Variants in MARCHF1 observed in about 807,000 individuals in gnomAD.
The protein encoded by MARCHF1 is E3 ubiquitin-protein ligase MARCHF1.
MARCHF1 carries 40 observed loss-of-function variants against 54.2 expected under a neutral mutation model. The observed-to-expected ratio is 0.74, with a 90% CI of 0.57 to 0.96. The LOEUF (loss-of-function observed/expected upper bound fraction) is 0.96, where lower values mean the gene tolerates loss of function less well. Ranked by LOEUF, MARCHF1 falls within the 40% of genes least tolerant of loss-of-function variation. The pLI is 0.00. For synonymous variants in MARCHF1, 236 were observed against 236.3 expected (o/e 1.00, Z 0.01); for missense variants, 586 against 656.5 (o/e 0.89, Z 1.17).
At chr4:163,723,590 G>C (rs1280138952) in intron 4 of MARCHF1, among the ~76,000 whole-genome samples, 1 of 152,180 alleles carries the variant, frequency 6.6e-6, no homozygotes, top group Non-Finnish European at 1.5e-5. Flanking sequence ...GGTTGGGGAA[G>C]TTCTCCCAGA....
At chr4:164,292,959 C>A (rs1047939586) in intron 1 of MARCHF1, among the ~76,000 whole-genome samples, 4 of 152,104 alleles carry the variant, frequency 2.6e-5, no homozygotes. Flanking sequence ...CTACTTCCTT[C>A]TTCTAACCAA....
At chr4:164,356,544 C>T (rs955830578) in intron 1 of MARCHF1, among the ~76,000 whole-genome samples, 4 of 130,964 alleles carry the variant, frequency 3.1e-5, no homozygotes, top group African/African-American at 1.1e-4. Context: ...CATATTCTCA[C>T]TCATAGGTGG....
chr4:163,888,316 C>T (rs1351696748), intron 3 of MARCHF1, among the ~76,000 whole-genome samples: 2 of 152,032 alleles, frequency 1.3e-5, no homozygotes, highest in Non-Finnish European at 2.9e-5. Context: ...AACACAGGCA[C>T]AGGGTAGAGA....
chr4:164,375,709 C>T (rs1731171440), intron 1 of MARCHF1, among the ~76,000 whole-genome samples: 1 of 152,136 alleles, frequency 6.6e-6, no homozygotes, highest in Admixed American at 6.6e-5. Context: ...ACAATTAATT[C>T]CTTACTATGG....
At chr4:164,094,445 T>C (rs1402874250) in intron 2 of MARCHF1, among the ~76,000 whole-genome samples, 5 of 152,036 alleles carry the variant, frequency 3.3e-5, no homozygotes, top group Admixed American at 3.3e-4. Flanking sequence ...TCCAGCAAAG[T>C]CCGGAGAGAA....
intron 1 of MARCHF1, among the ~76,000 whole-genome samples, chr4:164,254,562 A>T (rs1054631185): frequency 2.6e-5 from 4 of 152,042 alleles, no homozygotes; most frequent in Admixed American, 2.0e-4. Context: ...GTATTAACTT[A>T]ATATATATCT....
chr4:164,266,398 T>C (rs1346063957), intron 1 of MARCHF1, among the ~76,000 whole-genome samples: 1 of 152,208 alleles, frequency 6.6e-6, no homozygotes, highest in Non-Finnish European at 1.5e-5. Context: ...TGCTAGCCAA[T>C]ATGGTTATTA....
chr4:163,594,102 C>T (rs2110858640), intron 7 of MARCHF1, among the ~76,000 whole-genome samples: 1 of 152,180 alleles, frequency 6.6e-6, no homozygotes, highest in South Asian at 2.1e-4. Flanking sequence ...AGTGAAAGAT[C>T]ATCTCAGATT....
Position 163,526,293 on chromosome 4 carries a change from C to T in MARCHF1, c.*2455G>A, listed in dbSNP as rs529282030. On this transcript the variant is annotated 3_prime_UTR_variant, in exon 10 of 10. Coordinates refer to ENST00000514618, the MANE Select transcript of MARCHF1 (RefSeq NM_001394959.1). ...CTCCACTGTGAAATCAGCCCTGCAA[C>T]GTATCTTGTTTAGGTTCGTACAGAA... The T allele has an allele frequency of 2.6e-5, 4 of 152,162 alleles. No homozygotes were observed. The highest frequency in any genetic ancestry group is 9.6e-5 in the African/African-American group (4 of 41,550). The allele number at this position is 152,162 out of a possible 1,614,324, so 9.4% of individuals were successfully genotyped here.
chr4:163,761,362 C>A (rs1174643077), intron 4 of MARCHF1, among the ~76,000 whole-genome samples: 1 of 152,140 alleles, frequency 6.6e-6, no homozygotes, highest in Non-Finnish European at 1.5e-5. Flanking sequence ...AGGATGAGCT[C>A]CCAATCATGA....
chr4:163,572,613 T>C (rs1739878710), intron 8 of MARCHF1, among the ~76,000 whole-genome samples: 2 of 152,146 alleles, frequency 1.3e-5, no homozygotes, highest in South Asian at 4.1e-4. Context: ...ATTCCCTAAG[T>C]GTAGGGGTCT....
At chr4:164,243,383 T>A (rs1732837322) in intron 1 of MARCHF1, among the ~76,000 whole-genome samples, 1 of 149,978 alleles carries the variant, frequency 6.7e-6, no homozygotes, top group South Asian at 2.2e-4. Flanking sequence ...AAACTAAGCT[T>A]CATAAGTGAA....
rs540381523 is a variant in MARCHF1 at position 164,134,483 on chromosome 4, T to G, written c.-322-22821A>C. ...CATTATCTGGTGGTAAAAATGCTGC[T>G]TAGTAATATTAACTCATTTAGGTTA... On this transcript the variant is annotated intron_variant, in intron 1 of 9. Transcript: ENST00000514618. Among the ~76,000 whole-genome samples the G allele has an allele frequency of 2.3e-3, 345 of 152,346 alleles. 2 individuals carry two copies. Among genetic ancestry groups the G allele is most frequent in the African/African-American group, 7.9e-3 (327 of 41,590 alleles).
At chr4:163,961,906 TG>T (rs1357456564) in intron 3 of MARCHF1, among the ~76,000 whole-genome samples, 2 of 151,966 alleles carry the variant, frequency 1.3e-5, no homozygotes, top group African/African-American at 4.8e-5. Context: ...AGAGTTTCAC[TG>T]TGCTGTAACG....
chr4:163,640,820 T>G (rs1389136611), intron 5 of MARCHF1, among the ~76,000 whole-genome samples: 1 of 152,144 alleles, frequency 6.6e-6, no homozygotes, highest in Non-Finnish European at 1.5e-5. Flanking sequence ...TATATATCTT[T>G]AGGGTAATAA....
At chr4:164,115,688 A>G (rs1369668304) in intron 1 of MARCHF1, among the ~76,000 whole-genome samples, 1 of 152,126 alleles carries the variant, frequency 6.6e-6, no homozygotes, top group African/African-American at 2.4e-5. Flanking sequence ...TTATGGTGTA[A>G]GTTTGGTATA....
At chr4:163,799,250 G>T (rs12500782) in intron 4 of MARCHF1, among the ~76,000 whole-genome samples, 117,435 of 151,860 alleles carry the variant, frequency 0.77, 46,949 homozygotes, top group Non-Finnish European at 0.88. Context: ...AGACTAGCAG[G>T]CCAGCATTTA....
intron 1 of MARCHF1, among the ~76,000 whole-genome samples, chr4:164,339,224 G>A (rs1407977314): frequency 6.6e-6 from 1 of 152,088 alleles, no homozygotes; most frequent in East Asian, 1.9e-4. Context: ...AAACCAAGTG[G>A]ACCTCACAGA....
intron 1 of MARCHF1, among the ~76,000 whole-genome samples, chr4:164,163,468 G>T (rs939831423): frequency 2.6e-5 from 4 of 151,624 alleles, no homozygotes; most frequent in Non-Finnish European, 5.9e-5. Context: ...ATGGTACCAG[G>T]GTGTATAACT....
Sources: gnomAD v4.1 joint callset for allele counts (sites outside exome capture counted in the v4.1 genomes callset) on GRCh38, gnomAD v4.1.1 for gene constraint, MANE v1.5 for transcripts, NCBI Gene and HGNC (gene_info 2026-07-23, HGNC 2026-07-21) for gene names.